LYN: variants seen among roughly 807,000 people sequenced by gnomAD.
The protein encoded by LYN is LYN proto-oncogene, Src family tyrosine kinase.
LYN carries 12 observed loss-of-function variants against 65.0 expected under a neutral mutation model. The ratio of observed to expected loss-of-function variants is 0.18; its 90% CI spans 0.12 to 0.30. LYN has a LOEUF of 0.30. Among genes scored for constraint, LYN ranks in the 10% least tolerant of loss-of-function variants. The probability of loss-of-function intolerance (pLI) is 1.00; values close to 1 mark genes in which losing one functional copy is unlikely to be tolerated. For missense variants in LYN, 380 were observed against 623.2 expected, an observed-to-expected ratio of 0.61 and a Z score of 4.16; for synonymous variants, 222 against 221.2, an observed-to-expected ratio of 1.00 and a Z score of -0.03.
In LYN at chr8:55,952,005, A is replaced by C. The variant is rs745525931; in HGVS notation, c.527A>C (p.His176Pro). 3.1e-6 allele frequency: 5 copies of C among 1,612,318 alleles called. No individual in the cohort carries two copies. Among genetic ancestry groups the C allele is most frequent in the Non-Finnish European group, 4.2e-6 (5 of 1,179,558 alleles). Reference protein sequence around the residue: ...SLSVRDFDPVHGDVIKHYKIR... With the variant: ...SLSVRDFDPVPGDVIKHYKIR... Reference sequence around the variant, plus strand: ...TCTGTCAGAGACTTTGACCCTGTGCATGGTGATGTTATTAAGCACTACAAA... The same window carrying C: ...TCTGTCAGAGACTTTGACCCTGTGCCTGGTGATGTTATTAAGCACTACAAA... The change falls in exon 7 of 13, where the codon CAT (histidine) becomes CCT (proline). Residue 176 changes from histidine (H) to proline (P), a missense_variant. Coordinates refer to ENST00000519728, the MANE Select transcript of LYN (RefSeq NM_002350.4).
chr8:55,911,385 G>A (rs1384650864), intron 1 of LYN, among the ~76,000 whole-genome samples: 1 of 141,480 alleles, frequency 7.1e-6, no homozygotes, highest in Non-Finnish European at 1.5e-5. Context: ...ACCTCCCAAA[G>A]TGTTGGGATT....
intron 10 of LYN, among the ~76,000 whole-genome samples, chr8:55,983,290 C>A (rs2130556159): frequency 6.6e-6 from 1 of 152,312 alleles, no homozygotes; most frequent in South Asian, 2.1e-4. Flanking sequence ...TTCCCTGAGA[C>A]AAGAGAAGCT....
At chr8:55,903,746 G>A (rs1271764550) in intron 1 of LYN, among the ~76,000 whole-genome samples, 1 of 152,206 alleles carries the variant, frequency 6.6e-6, no homozygotes, top group Non-Finnish European at 1.5e-5. Flanking sequence ...ATCCATGGTA[G>A]CTCACACCTG....
chr8:56,005,495 T>C (rs2130596890), intron 12 of LYN, among the ~76,000 whole-genome samples: 1 of 152,348 alleles, frequency 6.6e-6, no homozygotes, highest in East Asian at 1.9e-4. Flanking sequence ...CCACACAGTG[T>C]GTGCCTTCCT....
chr8:55,990,142 G>A (rs970813776), intron 10 of LYN, among the ~76,000 whole-genome samples: 37 of 151,574 alleles, frequency 2.4e-4, no homozygotes, highest in African/African-American at 8.7e-4. Flanking sequence ...AGGAGACTGA[G>A]GCAGGAGAAT....
At chr8:55,998,856 C>T (rs1392624282) in intron 11 of LYN, among the ~76,000 whole-genome samples, 1 of 152,208 alleles carries the variant, frequency 6.6e-6, no homozygotes, top group Non-Finnish European at 1.5e-5. Context: ...ATATTTGTAA[C>T]ATTAATTCTA....
intron 11 of LYN, 97 bp from the exon 12 acceptor site, chr8:55,999,320 CA>C (rs1563329320): frequency 8.8e-7 from 1 of 1,141,044 alleles, no homozygotes. Context: ...AACTCCGCCT[CA>C]AAAAAAGAAA....
rs116330933 is a variant in LYN, at chr8:55,885,431, A to T, written c.-6+5328A>T. 3.3e-3 allele frequency among the ~76,000 whole-genome samples: 495 copies of T among 152,116 alleles called. 3 individuals carry two copies. The highest frequency in any genetic ancestry group is 0.01 in the African/African-American group (435 of 41,484). On this transcript the variant is annotated intron_variant, in intron 1 of 12. Transcript: ENST00000519728. ...TCTGAAATCTTGCTCACTCCTCTTTATTGACACCAGACCATACTGGTTGGA... is the reference window on the plus strand; with the variant it reads ...TCTGAAATCTTGCTCACTCCTCTTTTTTGACACCAGACCATACTGGTTGGA...
chr8:55,938,789 G>A (rs1365310685), intron 1 of LYN, among the ~76,000 whole-genome samples: 2 of 152,190 alleles, frequency 1.3e-5, no homozygotes, highest in Non-Finnish European at 2.9e-5. Context: ...GTATGGCAAA[G>A]TGGTAAGAGC....
intron 9 of LYN, among the ~76,000 whole-genome samples, chr8:55,967,418 G>A (rs10112175): frequency 0.01 from 1,516 of 147,542 alleles, 29 homozygotes; most frequent in African/African-American, 0.035. Flanking sequence ...GGGTTCAAGC[G>A]ATTCTCCTGC....
chr8:55,971,987 C>A (rs960219453), intron 10 of LYN, among the ~76,000 whole-genome samples: 25 of 152,246 alleles, frequency 1.6e-4, no homozygotes, highest in African/African-American at 6.0e-4. Flanking sequence ...TGGGGCTGAG[C>A]CCCCTCGGTG....
chr8:55,934,040 A>G (rs917063001), intron 1 of LYN, among the ~76,000 whole-genome samples: 1 of 152,196 alleles, frequency 6.6e-6, no homozygotes, highest in African/African-American at 2.4e-5. Flanking sequence ...AGCCTGGCCA[A>G]TATGGTGAAA....
chr8:55,900,427 C>T (rs1014185415), intron 1 of LYN, among the ~76,000 whole-genome samples: 1 of 151,926 alleles, frequency 6.6e-6, no homozygotes, highest in Non-Finnish European at 1.5e-5. Flanking sequence ...GGCTGAAGTA[C>T]AGTGATGTGA....
At chr8:56,009,837 G>A in intron 12 of LYN, 71 bp from the exon 13 acceptor site, 1 of 1,232,568 alleles carries the variant, frequency 8.1e-7, no homozygotes, top group Middle Eastern at 2.6e-4. Context: ...AAAGACCACT[G>A]CAGTGCTTGA....
intron 1 of LYN, among the ~76,000 whole-genome samples, chr8:55,926,722 A>G (rs1806118864): frequency 6.6e-6 from 1 of 152,238 alleles, no homozygotes; most frequent in Non-Finnish European, 1.5e-5. Context: ...TTCTTGTAGA[A>G]ATATTTTCAG....
At chr8:55,935,853 G>T (rs1427356521) in intron 1 of LYN, among the ~76,000 whole-genome samples, 1 of 151,744 alleles carries the variant, frequency 6.6e-6, no homozygotes. Context: ...GGAATTAATG[G>T]AGTTGGTGGT....
intron 4 of LYN, among the ~76,000 whole-genome samples, chr8:55,948,372 T>G (rs991352862): frequency 6.6e-6 from 1 of 152,188 alleles, no homozygotes; most frequent in African/African-American, 2.4e-5. Flanking sequence ...GTTATATTAC[T>G]CATGTTTAGA....
intron 10 of LYN, among the ~76,000 whole-genome samples, chr8:55,994,389 A>G (rs1386695415): frequency 6.6e-6 from 1 of 152,226 alleles, no homozygotes; most frequent in African/African-American, 2.4e-5. Flanking sequence ...GCACTCTGGC[A>G]TGGAAAAGAA....
chr8:55,975,088 A>G (rs1807717793), intron 10 of LYN, among the ~76,000 whole-genome samples: 1 of 152,144 alleles, frequency 6.6e-6, no homozygotes, highest in Non-Finnish European at 1.5e-5. Flanking sequence ...GCATTCATGA[A>G]TTTCATAGAG....
Sources: gnomAD v4.1 joint callset for allele counts (sites outside exome capture counted in the v4.1 genomes callset) on GRCh38, gnomAD v4.1.1 for gene constraint, MANE v1.5 for transcripts, NCBI Gene and HGNC (gene_info 2026-07-23, HGNC 2026-07-21) for gene names.